Variants in ANKS1B observed in about 807,000 individuals in gnomAD.
The protein encoded by ANKS1B is ankyrin repeat and sterile alpha motif domain-containing protein 1B.
Under a neutral mutation model 148.3 loss-of-function variants are expected in ANKS1B, and 36 were observed. The ratio of observed to expected loss-of-function variants is 0.24; its 90% confidence interval spans 0.19 to 0.32. The LOEUF (loss-of-function observed/expected upper bound fraction) is 0.32, where lower values mean the gene tolerates loss of function less well. Ranked by LOEUF, ANKS1B falls within the 10% of genes least tolerant of loss-of-function variation. ANKS1B has a pLI of 1.00. For missense variants in ANKS1B, 1,157 were observed against 1,542.6 expected (o/e 0.75, Z 4.19); for synonymous variants, 542 against 560.8 (o/e 0.97, Z 0.47).
At chr12:98,960,950 TAC>T (rs1172586895) in intron 17 of ANKS1B, among the ~76,000 whole-genome samples, 1 of 151,786 alleles carries the variant, frequency 6.6e-6, no homozygotes, top group East Asian at 1.9e-4. Context: ...TATTTGAAAA[TAC>T]ACAGTCGGAG....
intron 1 of ANKS1B, among the ~76,000 whole-genome samples, chr12:99,849,870 T>C (rs546360198): frequency 2.6e-5 from 4 of 152,238 alleles, no homozygotes; most frequent in Non-Finnish European, 4.4e-5. Flanking sequence ...CAATATTCTA[T>C]TTCTTAATTT....
At position 98,945,505 on chromosome 12, in the gene ANKS1B, CAAAAAAAAAAAA is replaced by C. The variant is rs3051086; in HGVS notation, c.2778+107640_2778+107651del. Among the ~76,000 whole-genome samples, 262 of 30,288 alleles carry C rather than the reference CAAAAAAAAAAAA, an allele frequency of 8.7e-3. 1 individual carries two copies. Among genetic ancestry groups the C allele is most frequent in the Non-Finnish European group, 0.014 (206 of 14,466 alleles). 19.9% of individuals were successfully genotyped at this position (30,288 alleles called of 152,430 possible). On this transcript the variant is annotated intron_variant, in intron 17 of 26. Coordinates refer to ENST00000683438, the MANE Select transcript of ANKS1B (RefSeq NM_001352186.2). ...GCCAGACCCTGTCTCAACAAACAAACAAAAAAAAAAAAAAAAAAAAAAAAAAAAAGGGAGAGA... is the reference window on the plus strand; with the variant it reads ...GCCAGACCCTGTCTCAACAAACAAACAAAAAAAAAAAAAAAAAGGGAGAGA...
At chr12:99,088,354 G>T (rs1048566038) in intron 15 of ANKS1B, among the ~76,000 whole-genome samples, 2 of 152,022 alleles carry the variant, frequency 1.3e-5, no homozygotes, top group African/African-American at 4.8e-5. Context: ...TAGGCTTCCT[G>T]GTCCTCACCC....
chr12:99,336,228 T>A (rs1365785671), intron 12 of ANKS1B, among the ~76,000 whole-genome samples: 1 of 152,182 alleles, frequency 6.6e-6, no homozygotes, highest in Non-Finnish European at 1.5e-5. Flanking sequence ...TAGATGTTTT[T>A]TTCCTGTAGA....
intron 10 of ANKS1B, among the ~76,000 whole-genome samples, chr12:99,503,158 A>T (rs1267868215): frequency 6.6e-6 from 1 of 152,172 alleles, no homozygotes; most frequent in Non-Finnish European, 1.5e-5. Flanking sequence ...GCTAGTTTTG[A>T]ACTCCTGAGC....
chr12:99,070,548 G>C (rs1013371451), intron 16 of ANKS1B, among the ~76,000 whole-genome samples: 9 of 152,132 alleles, frequency 5.9e-5, no homozygotes, highest in Admixed American at 3.3e-4. Flanking sequence ...TGGTTATTAC[G>C]AATGAGAAAA....
intron 10 of ANKS1B, among the ~76,000 whole-genome samples, chr12:99,484,763 T>C (rs894294360): frequency 7.8e-6 from 1 of 128,752 alleles, no homozygotes; most frequent in African/African-American, 3.3e-5. Context: ...TGTGTGTGTG[T>C]GTTTTTTTTT....
intron 1 of ANKS1B, among the ~76,000 whole-genome samples, chr12:99,882,470 C>A (rs184575120): frequency 1.3e-5 from 2 of 152,194 alleles, no homozygotes; most frequent in Admixed American, 1.3e-4. Flanking sequence ...ATATGATAAT[C>A]AAACTTCTAA....
chr12:99,590,246 ACC>A (rs2097687129), intron 9 of ANKS1B, among the ~76,000 whole-genome samples: 1 of 117,554 alleles, frequency 8.5e-6, no homozygotes, highest in African/African-American at 3.6e-5. Flanking sequence ...ATTCACTCAC[ACC>A]CACACCCACC....
chr12:99,328,734 G>A (rs2086952674), intron 12 of ANKS1B, among the ~76,000 whole-genome samples: 2 of 151,954 alleles, frequency 1.3e-5, no homozygotes, highest in South Asian at 4.1e-4. Context: ...TTACAAGCAT[G>A]AAAACAAGTA....
At chr12:99,523,374 A>G (rs1237583918) in intron 9 of ANKS1B, among the ~76,000 whole-genome samples, 2 of 152,336 alleles carry the variant, frequency 1.3e-5, no homozygotes, top group East Asian at 1.9e-4. Context: ...ATTGTTATCT[A>G]TCTCTAAGGA....
At chr12:99,787,796 T>C (rs752322741) in intron 4 of ANKS1B, among the ~76,000 whole-genome samples, 1 of 152,226 alleles carries the variant, frequency 6.6e-6, no homozygotes, top group Non-Finnish European at 1.5e-5. Context: ...GCTGTGCAGA[T>C]AGAAAATCTG....
rs567683898 is a variant in ANKS1B at position 98,828,698 on chromosome 12, T to C, written c.3066+476A>G. On this transcript the variant is annotated intron_variant, in intron 19 of 26. Coordinates refer to ENST00000683438, the MANE Select transcript of ANKS1B (RefSeq NM_001352186.2). ...GCTAGAAAGCATCATCATTTTCAAC[T>C]AGTCAAGGTGACAATATGAGAAAAC... is the stretch of plus-strand genomic sequence containing the variant. 3.9e-5 allele frequency among the ~76,000 whole-genome samples: 6 copies of C among 152,346 alleles called. No individual in the cohort carries two copies. In the East Asian group the frequency reaches 9.6e-4, roughly 24 times the overall value.
chr12:99,382,968 C>A (rs891731458), intron 12 of ANKS1B, among the ~76,000 whole-genome samples: 3 of 152,124 alleles, frequency 2.0e-5, no homozygotes, highest in Non-Finnish European at 2.9e-5. Context: ...CCCTCCCACC[C>A]ACTTCCCTTC....
At chr12:98,933,003 C>A (rs1026774398) in intron 17 of ANKS1B, among the ~76,000 whole-genome samples, 1 of 152,136 alleles carries the variant, frequency 6.6e-6, no homozygotes, top group Admixed American at 6.5e-5. Context: ...ATGCGATCTA[C>A]CTCTGTAAAC....
intron 15 of ANKS1B, among the ~76,000 whole-genome samples, chr12:99,140,786 A>C (rs1430560233): frequency 6.6e-6 from 1 of 152,088 alleles, no homozygotes; most frequent in Non-Finnish European, 1.5e-5. Flanking sequence ...AATGATTACA[A>C]ATATCAAATG....
intron 14 of ANKS1B, among the ~76,000 whole-genome samples, chr12:99,170,999 G>C (rs1159116740): frequency 1.3e-5 from 2 of 152,118 alleles, no homozygotes; most frequent in East Asian, 3.9e-4. Context: ...TTCTTAAGAA[G>C]GCTATGCCCA....
chr12:99,680,875 T>G (rs1437797467), intron 8 of ANKS1B, among the ~76,000 whole-genome samples: 1 of 151,998 alleles, frequency 6.6e-6, no homozygotes, highest in African/African-American at 2.4e-5. Flanking sequence ...CACTGCCAGC[T>G]TTTCCCCACT....
chr12:99,537,731 T>C (rs2097086195), intron 9 of ANKS1B, among the ~76,000 whole-genome samples: 1 of 152,178 alleles, frequency 6.6e-6, no homozygotes, highest in Non-Finnish European at 1.5e-5. Context: ...ATTGATTGTA[T>C]CCTCTGCTGT....
Sources: gnomAD v4.1 joint callset for allele counts (sites outside exome capture counted in the v4.1 genomes callset) on GRCh38, gnomAD v4.1.1 for gene constraint, MANE v1.5 for transcripts, NCBI Gene and HGNC (gene_info 2026-07-23, HGNC 2026-07-21) for gene names.